IQGAP2: variants seen among roughly 807,000 people sequenced by gnomAD.
The protein encoded by IQGAP2 is ras GTPase-activating-like protein IQGAP2.
In IQGAP2, 173 loss-of-function variants were observed where a neutral mutation model predicts 201.3. That is an observed-to-expected ratio of 0.86 (90% CI 0.76 to 0.98). The LOEUF is 0.98. IQGAP2 is among the 50% of genes least tolerant of loss of function. The pLI is 0.00. For synonymous variants in IQGAP2, 675 were observed against 673.9 expected (o/e 1.00, Z -0.03); for missense variants, 1,687 against 1,864.8 (o/e 0.90, Z 1.76).
chr5:76,557,631 A>G (rs996649566), intron 2 of IQGAP2, among the ~76,000 whole-genome samples: 3 of 152,316 alleles, frequency 2.0e-5, no homozygotes, highest in Admixed American at 1.3e-4. Flanking sequence ...TCATAACCAT[A>G]TGTTAAGTAC....
In IQGAP2 at chr5:76,640,993, G is replaced by A; in HGVS notation, c.1984G>A (p.Glu662Lys). The change falls in exon 17 of 36, where the codon GAG becomes AAG. Residue 662 changes from glutamate (E) to lysine (K), a missense_variant. Glu to Lys is a moderately conservative substitution (Grantham distance 56, BLOSUM62 1). Transcript: ENST00000274364. The part of the protein sequence containing the change: ...IRENIWSASE[E>K]LLLRFQATSS... ...TGAGAATATATGGTCTGCTTCAGAA[G>A]AGTTGCTTCTTCGCTTTCAAGCCAC... 6.2e-7 allele frequency: 1 copy of A among 1,610,306 alleles called. No individual in the cohort carries two copies. The highest frequency in any genetic ancestry group is 1.7e-4 in the Middle Eastern group (1 of 6,042).
At chr5:76,499,548 A>T (rs1271449920) in intron 2 of IQGAP2, among the ~76,000 whole-genome samples, 1 of 152,200 alleles carries the variant, frequency 6.6e-6, no homozygotes, top group Non-Finnish European at 1.5e-5. Context: ...CTTAGATTTT[A>T]ATACCTTAGC....
At chr5:76,575,506 G>A (rs548744937) in intron 4 of IQGAP2, among the ~76,000 whole-genome samples, 187 bp from the exon 5 acceptor site, 1 of 152,310 alleles carries the variant, frequency 6.6e-6, no homozygotes, top group South Asian at 2.1e-4. Flanking sequence ...GAGGCATGCT[G>A]TCAGGCAGGG....
chr5:76,618,983 G>GA (rs1373685212), intron 13 of IQGAP2, among the ~76,000 whole-genome samples: 1 of 152,182 alleles, frequency 6.6e-6, no homozygotes, highest in Admixed American at 6.5e-5. Context: ...TCAGATGTTT[G>GA]AGCAAAATGT....
chr5:76,626,007 C>T (rs974499852), intron 13 of IQGAP2, among the ~76,000 whole-genome samples: 2 of 152,184 alleles, frequency 1.3e-5, no homozygotes, highest in African/African-American at 4.8e-5. Context: ...TCTGTCAGGG[C>T]TGCTTTTGTA....
Position 76,600,935 on chromosome 5 carries a change from A to G in IQGAP2, c.1195A>G (p.Ile399Val). 1.2e-6 allele frequency: 2 copies of G among 1,614,140 alleles called. No homozygotes were observed. Among genetic ancestry groups the G allele is most frequent in the Non-Finnish European group, 1.7e-6 (2 of 1,179,980 alleles). The part of the protein sequence containing the change: ...SVQNQLRSPA[I>V]GLNNLDKAYV... ...GCAGAATCAACTCAGAAGCCCCGCA[A>G]TAGGCTTAAACAATCTGGACAAGGC... Residue 399 changes from isoleucine (I) to valine (V), a missense_variant, in exon 11 of 36, where the codon ATA becomes GTA. Transcript: ENST00000274364.
intron 1 of IQGAP2, among the ~76,000 whole-genome samples, chr5:76,427,738 C>G (rs975060670): frequency 6.6e-6 from 1 of 152,194 alleles, no homozygotes; most frequent in African/African-American, 2.4e-5. Flanking sequence ...GCCGGCACTG[C>G]AGGTCTCCAG....
intron 2 of IQGAP2, among the ~76,000 whole-genome samples, chr5:76,550,993 A>C (rs1353765036): frequency 6.9e-6 from 1 of 144,880 alleles, no homozygotes; most frequent in Non-Finnish European, 1.5e-5. Context: ...GCTGCCCCCC[A>C]CCTCCCTCCC....
chr5:76,606,161 T>C lies in IQGAP2; in HGVS notation c.1233-18T>C. ...TGAATGTCTCTAATTAACATCAAGA[T>C]TATTTTCTCTTCCACAGTTATGCAA... On this transcript the variant is annotated intron_variant, in intron 11 of 35. Transcript: ENST00000274364. 1 of 1,573,070 alleles carries C rather than the reference T, an allele frequency of 6.4e-7. No individual in the cohort carries two copies. Among genetic ancestry groups the C allele is most frequent in the Non-Finnish European group, 8.6e-7 (1 of 1,160,544 alleles).
intron 23 of IQGAP2, among the ~76,000 whole-genome samples, chr5:76,670,878 C>G (rs774689318): frequency 4.6e-5 from 7 of 152,214 alleles, no homozygotes; most frequent in Non-Finnish European, 1.0e-4. Context: ...TATTGCTAGT[C>G]CTGGTCCATT....
At chr5:76,521,887 G>T (rs551431604) in intron 2 of IQGAP2, among the ~76,000 whole-genome samples, 60 of 152,102 alleles carry the variant, frequency 3.9e-4, no homozygotes, top group African/African-American at 1.4e-3. Flanking sequence ...TGCTAGTTTG[G>T]GGCCTGCTTG....
chr5:76,644,681 A>G (rs1170766281), intron 17 of IQGAP2, among the ~76,000 whole-genome samples: 1 of 152,144 alleles, frequency 6.6e-6, no homozygotes, highest in Non-Finnish European at 1.5e-5. Flanking sequence ...AACAGCCTCT[A>G]ATTAGAGAAG....
intron 14 of IQGAP2, among the ~76,000 whole-genome samples, chr5:76,630,385 C>G (rs552865512): frequency 4.6e-5 from 7 of 152,264 alleles, no homozygotes; most frequent in African/African-American, 1.7e-4. Flanking sequence ...ATACCATAGA[C>G]TTTGGGTAAA....
intron 1 of IQGAP2, chr5:76,441,553 A>G: frequency 1.0e-6 from 1 of 979,744 alleles, no homozygotes; most frequent in Non-Finnish European, 1.2e-6. Flanking sequence ...GCTACTTCTT[A>G]TAAAGCCAGT....
At chr5:76,463,249 GT>G (rs1318774330) in intron 2 of IQGAP2, among the ~76,000 whole-genome samples, 1 of 151,766 alleles carries the variant, frequency 6.6e-6, no homozygotes, top group Non-Finnish European at 1.5e-5. Context: ...TTTACATTTT[GT>G]TTTTGCCTCC....
At chr5:76,674,124 A>T (rs577669415) in intron 26 of IQGAP2, 88 bp downstream of exon 26, 2 of 757,784 alleles carry the variant, frequency 2.6e-6, no homozygotes, top group Middle Eastern at 2.4e-4. Flanking sequence ...ATTATTCCCC[A>T]TGTATGATTA....
At chr5:76,636,276 C>G (rs1232133527) in intron 15 of IQGAP2, among the ~76,000 whole-genome samples, 1 of 152,090 alleles carries the variant, frequency 6.6e-6, no homozygotes, top group Non-Finnish European at 1.5e-5. Flanking sequence ...GTCTGGGGAC[C>G]AGAATTGTAA....
intron 5 of IQGAP2, among the ~76,000 whole-genome samples, chr5:76,580,558 T>C (rs561607138): frequency 1.3e-5 from 2 of 152,374 alleles, no homozygotes; most frequent in African/African-American, 4.8e-5. Flanking sequence ...TCGCTATTTA[T>C]CTCTTTTTTT....
chr5:76,596,196 G>T (rs1476796283), intron 9 of IQGAP2, among the ~76,000 whole-genome samples: 1 of 152,174 alleles, frequency 6.6e-6, no homozygotes, highest in African/African-American at 2.4e-5. Context: ...GTCAAAAAGG[G>T]TTAGAAGAAT....
Sources: allele counts gnomAD v4.1 joint callset (sites outside exome capture counted in the v4.1 genomes callset), GRCh38; gene constraint gnomAD v4.1.1; transcripts MANE v1.5; gene names NCBI Gene and HGNC (gene_info 2026-07-23, HGNC 2026-07-21).